USP28: variants seen among roughly 807,000 people sequenced by gnomAD.
USP28 encodes the protein ubiquitin specific peptidase 28.
Under a neutral mutation model 145.0 loss-of-function variants are expected in USP28, and 113 were observed. The observed-to-expected ratio is 0.78, with a 90% CI of 0.67 to 0.91. The LOEUF is 0.91. USP28 is among the 40% of genes least tolerant of loss of function. The pLI, the probability that USP28 is intolerant of heterozygous loss-of-function variation, is 0.00. For missense variants in USP28, 1,201 were observed against 1,289.6 expected (o/e 0.93, Z 1.05); for synonymous variants, 447 against 450.9 (o/e 0.99, Z 0.11).
chr11:113,866,209 T>C (rs1482629181), intron 1 of USP28, among the ~76,000 whole-genome samples: 1 of 152,062 alleles, frequency 6.6e-6, no homozygotes, highest in Admixed American at 6.5e-5. Context: ...AGAGAATCAC[T>C]TGAACCCAGG....
chr11:113,835,151 C>T, intron 5 of USP28: 5 of 404,822 alleles, frequency 1.2e-5, no homozygotes, highest in South Asian at 9.3e-5. Context: ...GATGGTAGAA[C>T]TGGAGAGAGG....
chr11:113,805,397 A>T (rs1004967089), intron 19 of USP28, among the ~76,000 whole-genome samples: 3 of 151,900 alleles, frequency 2.0e-5, no homozygotes, highest in Non-Finnish European at 2.9e-5. Context: ...CTGGGACTAC[A>T]GGCATATACC....
intron 24 of USP28, 105 bp from the exon 26 acceptor site, chr11:113,799,520 T>C: frequency 7.7e-7 from 1 of 1,291,512 alleles, no homozygotes; most frequent in Non-Finnish European, 1.1e-6. Flanking sequence ...GGTCAAAGCA[T>C]TATGCTGGCC....
At chr11:113,804,727 A>G (rs1487368909) in exon 21 of USP28, 12 of 1,614,218 alleles carry the variant, frequency 7.4e-6, no homozygotes, top group Non-Finnish European at 1.0e-5. Context: ...GTTTCGCTTG[A>G]GCCACCTTCA....
chr11:113,834,683 G>T (rs969305868), intron 5 of USP28, among the ~76,000 whole-genome samples: 1 of 152,182 alleles, frequency 6.6e-6, no homozygotes, highest in African/African-American at 2.4e-5. Flanking sequence ...CTCCCAAAGT[G>T]TTGGGATTAC....
intron 5 of USP28, among the ~76,000 whole-genome samples, chr11:113,840,219 CTCAAGAATGCATTCACT>C (rs918077846): frequency 3.9e-5 from 6 of 152,268 alleles, no homozygotes; most frequent in Admixed American, 3.3e-4. Context: ...TCCTCAGCGC[CTCAAGAATGCATTCACT>C]TCTCTCCTTC....
chr11:113,814,879 T>C (rs1941484028), intron 14 of USP28, among the ~76,000 whole-genome samples: 1 of 137,758 alleles, frequency 7.3e-6, no homozygotes, highest in Non-Finnish European at 1.5e-5. Context: ...TGAAACCCCA[T>C]CTCTACTAAA....
rs768050843 is a variant in USP28, at chr11:113,804,771, G to A, written c.2580-20C>T. ...ATTGATCTGTGTGGGACAAAGTTCA[G>A]AAAGCAATGAAAAGGCACAGGGCAA... On this transcript the variant is annotated intron_variant, in intron 20 of 24. Transcript: ENST00000003302. 50 of 1,612,270 alleles carry A rather than the reference G, an allele frequency of 3.1e-5. No individual in the cohort carries two copies. The Admixed American group carries it at 8.2e-4, about 26-fold the overall frequency.
chr11:113,843,642 G>A (rs1945464625), intron 3 of USP28, among the ~76,000 whole-genome samples: 1 of 142,116 alleles, frequency 7.0e-6, no homozygotes, highest in East Asian at 2.1e-4. Flanking sequence ...TTGCACTCCA[G>A]CCTGGGCAAC....
chr11:113,841,800 T>C (rs568181397), intron 3 of USP28, 32 bp from the exon 4 acceptor site: 8 of 1,486,136 alleles, frequency 5.4e-6, no homozygotes, highest in African/African-American at 1.4e-5. Flanking sequence ...AATTAGTCTA[T>C]ATATAGGAAA....
At chr11:113,815,779 A>G (rs2135497152) in intron 13 of USP28, among the ~76,000 whole-genome samples, 1 of 152,226 alleles carries the variant, frequency 6.6e-6, no homozygotes, top group East Asian at 1.9e-4. Flanking sequence ...GCCTGGAAGA[A>G]TCAAGGAATC....
chr11:113,802,481 ACACACAAGCC>A (rs1415759679), intron 23 of USP28, among the ~76,000 whole-genome samples: 5 of 152,334 alleles, frequency 3.3e-5, no homozygotes, highest in African/African-American at 1.2e-4. Flanking sequence ...TGGTGAAAAC[ACACACAAGCC>A]CACACTCTGA....
At chr11:113,799,228 A>G in exon 25 of USP28, 1 of 1,609,708 alleles carries the variant, frequency 6.2e-7, no homozygotes, top group Non-Finnish European at 8.5e-7. Context: ...TGGGCCTTGA[A>G]CATGTGGGAG....
intron 13 of USP28, 91 bp from the exon 14 acceptor site, chr11:113,815,473 A>G: frequency 8.3e-7 from 1 of 1,203,850 alleles, no homozygotes; most frequent in Non-Finnish European, 1.2e-6. Context: ...TGCTATATGA[A>G]AAAGTACAGG....
Position 113,840,504 on chromosome 11 carries a change from T to C in USP28, c.534+94A>G, listed in dbSNP as rs992821899. 2.7e-6 allele frequency: 4 copies of C among 1,461,586 alleles called. No homozygotes were observed. The African/African-American group carries it at 5.7e-5, about 21-fold the overall frequency. 90.5% of individuals were successfully genotyped at this position (1,461,586 alleles called of 1,614,324 possible). On this transcript the variant is annotated intron_variant, in intron 5 of 24. Transcript: ENST00000003302. ...AAACTCCCCTAATTTTAAATATCTATTTTAATCCTTTGAAAGCTATGTTTC... is the reference window on the plus strand; with the variant it reads ...AAACTCCCCTAATTTTAAATATCTACTTTAATCCTTTGAAAGCTATGTTTC...
chr11:113,839,971 G>A (rs995483158), intron 5 of USP28, among the ~76,000 whole-genome samples: 2 of 152,096 alleles, frequency 1.3e-5, no homozygotes, highest in Non-Finnish European at 2.9e-5. Context: ...AGCTGAGATC[G>A]CACCACTGTT....
Position 113,840,769 on chromosome 11 carries a change from A to C in USP28, c.375-12T>G, listed in dbSNP as rs756514783. ...TTGCTTCATGCATCCTATATTGTGC[A>C]GCGTGCCACACAGCAAAAAAGAAAA... On this transcript the variant is annotated splice_polypyrimidine_tract_variant and intron_variant, in intron 4 of 24. Coordinates refer to ENST00000003302, the Ensembl canonical transcript of USP28. The C allele has an allele frequency of 9.3e-6, 15 of 1,609,058 alleles. No homozygotes were observed. In the Admixed American group the frequency reaches 2.2e-4, roughly 23 times the overall value.
At chr11:113,818,372 C>T (rs1451767521) in intron 12 of USP28, among the ~76,000 whole-genome samples, 1 of 151,870 alleles carries the variant, frequency 6.6e-6, no homozygotes, top group African/African-American at 2.4e-5. Context: ...AGGATGGTCT[C>T]GATCTCCTGA....
chr11:113,809,087 A>C, exon 17 of USP28: 1 of 1,614,174 alleles, frequency 6.2e-7, no homozygotes, highest in Non-Finnish European at 8.5e-7. Context: ...TAGTCCTGTG[A>C]TGAGGAGTTG....
Sources: gnomAD v4.1 joint callset for allele counts (sites outside exome capture counted in the v4.1 genomes callset) on GRCh38, gnomAD v4.1.1 for gene constraint, MANE v1.5 for transcripts, NCBI Gene and HGNC (gene_info 2026-07-23, HGNC 2026-07-21) for gene names.